Variants in DRC8 observed in about 807,000 individuals in gnomAD.
The protein encoded by DRC8 is dynein regulatory complex protein 8.
At chr1:245,108,828 C>T in the DRC8 span, among the ~76,000 whole-genome samples, 1 of 152,132 alleles carries the variant, frequency 6.6e-6, no homozygotes. Context: ...TTGACAGTTG[C>T]CATAGCCTCC....
the DRC8 span, among the ~76,000 whole-genome samples, chr1:245,001,240 G>T: frequency 1.4e-4 from 21 of 152,026 alleles, no homozygotes; most frequent in African/African-American, 4.6e-4. Flanking sequence ...TCTGCAATAC[G>T]TAGGGAAAAT....
the DRC8 span, among the ~76,000 whole-genome samples, chr1:245,073,613 A>T: frequency 6.6e-6 from 1 of 152,148 alleles, no homozygotes; most frequent in African/African-American, 2.4e-5. Context: ...TTATTAATTA[A>T]AAAAAGACTA....
the DRC8 span, among the ~76,000 whole-genome samples, chr1:244,978,971 T>C: frequency 6.6e-6 from 1 of 152,256 alleles, no homozygotes; most frequent in East Asian, 1.9e-4. Context: ...GAGACAATGA[T>C]ACAATAATGT....
the DRC8 span, among the ~76,000 whole-genome samples, chr1:245,071,268 A>T: frequency 6.6e-6 from 1 of 152,258 alleles, no homozygotes; most frequent in African/African-American, 2.4e-5. Context: ...ATTGCTGTGA[A>T]CAGAGCACTA....
chr1:245,093,474 G>A, the DRC8 span, among the ~76,000 whole-genome samples: 3 of 152,066 alleles, frequency 2.0e-5, no homozygotes, highest in African/African-American at 7.2e-5. Flanking sequence ...TGAGGTGAGC[G>A]GTTCACTTAA....
the DRC8 span, among the ~76,000 whole-genome samples, chr1:245,115,768 A>T: frequency 2.0e-5 from 3 of 152,182 alleles, no homozygotes; most frequent in Non-Finnish European, 4.4e-5. Context: ...AGCACTGCTG[A>T]TGGGCAAAGA....
chr1:245,051,257 T>A, the DRC8 span, among the ~76,000 whole-genome samples: 1 of 151,518 alleles, frequency 6.6e-6, no homozygotes, highest in Non-Finnish European at 1.5e-5. Flanking sequence ...CTGGGCATGA[T>A]GGTGTGTACT....
At chr1:245,039,300 CAAAAAAAAAAAAAAAAAA>C in the DRC8 span, among the ~76,000 whole-genome samples, 2 of 27,476 alleles carry the variant, frequency 7.3e-5, no homozygotes, top group South Asian at 2.6e-3. Flanking sequence ...CTTGTCTCTA[CAAAAAAAAAAAAAAAAAA>C]AAAAAAAAAA....
chr1:245,031,767 G>A, the DRC8 span, among the ~76,000 whole-genome samples: 24 of 152,248 alleles, frequency 1.6e-4, 1 homozygote, highest in East Asian at 4.5e-3. Context: ...CCAGGCGGAA[G>A]TTGGTTAACA....
the DRC8 span, among the ~76,000 whole-genome samples, chr1:245,033,098 C>T: frequency 1.3e-5 from 2 of 152,196 alleles, no homozygotes; most frequent in African/African-American, 4.8e-5. Flanking sequence ...TTCAGAGCGG[C>T]CTCACAGCAC....
chr1:245,097,333 C>G, the DRC8 span, among the ~76,000 whole-genome samples: 3 of 152,050 alleles, frequency 2.0e-5, no homozygotes, highest in African/African-American at 7.2e-5. This position sits in a 1 kb window ranked among gnomAD's most constrained non-coding sequence, Gnocchi z 5.0. Context: ...CCAGCTTGGG[C>G]AACATGGCAA....
the DRC8 span, chr1:244,970,443 G>GGTAA: frequency 6.5e-7 from 1 of 1,531,310 alleles, no homozygotes; most frequent in South Asian, 1.2e-5. Context: ...GGACAGGGAA[G>GGTAA]GTAAGGTAGG....
At chr1:245,005,604 A>G in the DRC8 span, among the ~76,000 whole-genome samples, 1 of 152,074 alleles carries the variant, frequency 6.6e-6, no homozygotes, top group Non-Finnish European at 1.5e-5. Context: ...CGGCCTCCCA[A>G]AGTGCTGGGA....
At chr1:245,065,431 A>G in the DRC8 span, among the ~76,000 whole-genome samples, 1 of 151,994 alleles carries the variant, frequency 6.6e-6, no homozygotes, top group South Asian at 2.1e-4. Flanking sequence ...TTGTCTTCCA[A>G]TATTTTTATT....
the DRC8 span, among the ~76,000 whole-genome samples, chr1:245,004,780 G>T: frequency 6.6e-6 from 1 of 152,194 alleles, no homozygotes; most frequent in Non-Finnish European, 1.5e-5. Context: ...GATGTTAGTT[G>T]TGAGTTTTTC....
At chr1:245,008,264 T>G in the DRC8 span, among the ~76,000 whole-genome samples, 1 of 152,208 alleles carries the variant, frequency 6.6e-6, no homozygotes, top group African/African-American at 2.4e-5. Context: ...GCTTTGGGAC[T>G]CTACATGAGG....
At chr1:245,006,863 G>A in the DRC8 span, among the ~76,000 whole-genome samples, 1 of 152,108 alleles carries the variant, frequency 6.6e-6, no homozygotes, top group African/African-American at 2.4e-5. Context: ...GAACCCAGGA[G>A]GTGGAGGTTG....
At chr1:245,089,313 CT>C in the DRC8 span, among the ~76,000 whole-genome samples, 1 of 151,998 alleles carries the variant, frequency 6.6e-6, no homozygotes, top group African/African-American at 2.4e-5. This position sits in a 1 kb window ranked among gnomAD's most constrained non-coding sequence, Gnocchi z 4.8. Context: ...GGCTGGAGAC[CT>C]GGATTTTGGA....
chr1:244,970,646 GCCCCGCCCCGCCTCTCTC>G, the DRC8 span: 3 of 39,176 alleles, frequency 7.7e-5, no homozygotes, highest in African/African-American at 3.7e-4. Context: ...GCTCCGCCCC[GCCCCGCCCCGCCTCTCTC>G]CCCCGCCCCG....
Sources: gnomAD v4.1 joint callset for allele counts (sites outside exome capture counted in the v4.1 genomes callset) on GRCh38, gnomAD v4.1.1 for gene constraint, Gnocchi (gnomAD v3.1) non-coding constraint, MANE v1.5 for transcripts, NCBI Gene and HGNC (gene_info 2026-07-23, HGNC 2026-07-21) for gene names.